Variants in NCALD observed in about 807,000 individuals in gnomAD.
NCALD encodes neurocalcin delta.
In NCALD, 10 loss-of-function variants were observed where a neutral mutation model predicts 18.6. The ratio of observed to expected loss-of-function variants is 0.54; its 90% CI spans 0.33 to 0.91. The LOEUF is 0.91. Among genes scored for constraint, NCALD ranks in the 40% least tolerant of loss-of-function variants. The pLI, the probability that NCALD is intolerant of heterozygous loss-of-function variation, is 0.03. For synonymous variants in NCALD, 88 were observed against 87.4 expected (o/e 1.01, Z -0.04); for missense variants, 184 against 247.6 (o/e 0.74, Z 1.72).
intron 3 of NCALD, among the ~76,000 whole-genome samples, chr8:101,905,190 G>GAT (rs1285927850): frequency 6.6e-6 from 1 of 151,812 alleles, no homozygotes; most frequent in Non-Finnish European, 1.5e-5. Context: ...TTCCCTTGTT[G>GAT]ATGTTTTCTA....
chr8:101,993,893 C>T (rs1821142040), intron 2 of NCALD, among the ~76,000 whole-genome samples: 1 of 152,194 alleles, frequency 6.6e-6, no homozygotes, highest in African/African-American at 2.4e-5. Context: ...ATATGAATAG[C>T]ATCTTCCTTA....
chr8:101,858,178 A>C (rs1183988573), intron 4 of NCALD, among the ~76,000 whole-genome samples: 1 of 152,208 alleles, frequency 6.6e-6, no homozygotes, highest in East Asian at 1.9e-4. Context: ...CACATAAAAG[A>C]GGATGAAGAA....
chr8:102,036,476 A>G (rs901942853), intron 1 of NCALD, among the ~76,000 whole-genome samples: 1 of 151,956 alleles, frequency 6.6e-6, no homozygotes, highest in African/African-American at 2.4e-5. Flanking sequence ...AGAAATGCCA[A>G]TCAAAACAAC....
At chr8:101,847,310 C>A in intron 4 of NCALD, 1 of 254,496 alleles carries the variant, frequency 3.9e-6, no homozygotes, top group African/African-American at 2.3e-5. Context: ...TGGCACATCT[C>A]ACACACGCAC....
At chr8:101,860,682 G>C (rs1815504055) in intron 4 of NCALD, among the ~76,000 whole-genome samples, 1 of 152,164 alleles carries the variant, frequency 6.6e-6, no homozygotes, top group African/African-American at 2.4e-5. Flanking sequence ...ACCCATAATT[G>C]TGATAGTATT....
intron 1 of NCALD, among the ~76,000 whole-genome samples, chr8:101,763,101 C>G (rs1312021158): frequency 6.6e-6 from 1 of 152,148 alleles, no homozygotes; most frequent in Non-Finnish European, 1.5e-5. Context: ...TACTACATAT[C>G]AGGCACTGTG....
chr8:101,975,332 A>G (rs1425517765), intron 2 of NCALD: 1 of 152,192 alleles, frequency 6.6e-6, no homozygotes, highest in African/African-American at 2.4e-5. Flanking sequence ...CAGTGTGTAT[A>G]GGAATCACCT....
intron 2 of NCALD, among the ~76,000 whole-genome samples, chr8:102,005,906 G>A (rs887969307): frequency 6.6e-6 from 1 of 151,526 alleles, no homozygotes; most frequent in Admixed American, 6.6e-5. Context: ...GGGAGGGATA[G>A]CATTAGGAGA....
At chr8:101,788,262 A>G (rs917891124) in intron 1 of NCALD, among the ~76,000 whole-genome samples, 41 of 152,318 alleles carry the variant, frequency 2.7e-4, no homozygotes, top group African/African-American at 9.9e-4. Context: ...TCAGGGGTGG[A>G]TAAAATTCAA....
rs552131717 is a variant in NCALD at position 101,953,917 on chromosome 8, T to C, written c.-156-38059A>G. On this transcript the variant is annotated intron_variant, in intron 2 of 6. Transcript: ENST00000311028. ...CATCAATCCCAGAGCTTGTGGCTAG[T>C]GTCTGAAATAAGAGAAGTCTTGTAG... Among the ~76,000 whole-genome samples the C allele has an allele frequency of 3.9e-3, 599 of 152,338 alleles. 1 individual carries two copies. Among genetic ancestry groups the C allele is most frequent in the Non-Finnish European group, 6.6e-3 (450 of 68,018 alleles).
intron 4 of NCALD, among the ~76,000 whole-genome samples, chr8:101,839,061 T>C (rs866340500): frequency 5.3e-5 from 8 of 152,308 alleles, no homozygotes; most frequent in Middle Eastern, 6.8e-3. Context: ...TACATTTTCA[T>C]TGAGTGCCAG....
intron 1 of NCALD, among the ~76,000 whole-genome samples, chr8:101,770,755 A>C (rs1811550893): frequency 6.6e-6 from 1 of 152,208 alleles, no homozygotes; most frequent in African/African-American, 2.4e-5. Context: ...CATGATTTCA[A>C]ATGATTTTAT....
chr8:102,060,892 C>A (rs114310703), intron 1 of NCALD, among the ~76,000 whole-genome samples: 1,907 of 152,254 alleles, frequency 0.013, 41 homozygotes, highest in African/African-American at 0.043. Flanking sequence ...CAAAACATAC[C>A]TAAAATTCTC....
intron 1 of NCALD, among the ~76,000 whole-genome samples, chr8:101,782,209 A>C (rs1812045932): frequency 6.6e-6 from 1 of 151,862 alleles, no homozygotes; most frequent in South Asian, 2.1e-4. Flanking sequence ...AACTTATATG[A>C]GTATGACTTT....
Position 101,692,792 on chromosome 8 carries a change from G to A in NCALD, c.483C>T (p.Asp161=), listed in dbSNP as rs375021007. 1.4e-5 allele frequency: 22 copies of A among 1,610,710 alleles called. No homozygotes were observed. Among genetic ancestry groups the A allele is most frequent in the African/African-American group, 9.4e-5 (7 of 74,792 alleles). Residue 161 remains aspartate, a splice_region_variant and synonymous_variant, in exon 3 of 4, where the codon GAC becomes GAT. Transcript: ENST00000220931. ...AGCAGTGTAGCCCCCGCCTCCTACC[G>A]TCTCTATTGGTGTCCATCTGGCGGA... The part of the protein sequence containing the change: ...KIFRQMDTNR[D]GKLSLEEFIR...
intron 1 of NCALD, among the ~76,000 whole-genome samples, chr8:101,786,927 CA>C (rs1434084332): frequency 1.3e-5 from 2 of 151,986 alleles, no homozygotes; most frequent in Non-Finnish European, 2.9e-5. Flanking sequence ...AAAATACATG[CA>C]AAAAACCCCC....
At chr8:102,077,790 C>T (rs56054038) in intron 1 of NCALD, among the ~76,000 whole-genome samples, 4,019 of 152,264 alleles carry the variant, frequency 0.026, 130 homozygotes, top group East Asian at 0.12. Flanking sequence ...TGACCTCTTA[C>T]CTGACTGGCT....
chr8:101,994,246 T>C (rs1278409288), intron 2 of NCALD, among the ~76,000 whole-genome samples: 4 of 152,174 alleles, frequency 2.6e-5, no homozygotes, highest in Non-Finnish European at 5.9e-5. Context: ...AGAAGCATCC[T>C]GTTGGTCAAA....
intron 1 of NCALD, among the ~76,000 whole-genome samples, chr8:101,753,294 A>T (rs554515853): frequency 6.6e-6 from 1 of 152,294 alleles, no homozygotes; most frequent in South Asian, 2.1e-4. Context: ...GAGAGAAGGA[A>T]TCAAGAGCGT....
Sources: gnomAD v4.1 joint callset for allele counts (sites outside exome capture counted in the v4.1 genomes callset) on GRCh38, gnomAD v4.1.1 for gene constraint, MANE v1.5 for transcripts, NCBI Gene and HGNC (gene_info 2026-07-23, HGNC 2026-07-21) for gene names.